The following SNX29 variants were observed in gnomAD, a reference collection of about 807,000 sequenced individuals.
The protein encoded by SNX29 is sorting nexin 29.
SNX29 carries 78 observed loss-of-function variants against 102.1 expected under a neutral mutation model. The ratio of observed to expected loss-of-function variants is 0.76; its 90% CI spans 0.64 to 0.92. The LOEUF (loss-of-function observed/expected upper bound fraction) is 0.92. Among genes scored for constraint, SNX29 ranks in the 40% least tolerant of loss-of-function variants. SNX29 has a pLI of 0.00. For synonymous variants in SNX29, 580 were observed against 414.5 expected (o/e 1.40, Z -4.85); for missense variants, 1,280 against 1,061.7 (o/e 1.21, Z -2.86).
chr16:12,550,566 G>T (rs990733289), intron 20 of SNX29, among the ~76,000 whole-genome samples: 1 of 151,058 alleles, frequency 6.6e-6, no homozygotes, highest in East Asian at 1.9e-4. Flanking sequence ...CAAATATGAG[G>T]ATATATACTT....
chr16:12,427,345 T>A (rs1310544738), intron 18 of SNX29, among the ~76,000 whole-genome samples: 10 of 152,130 alleles, frequency 6.6e-5, no homozygotes, highest in African/African-American at 2.2e-4. Flanking sequence ...TGGCAACCAA[T>A]TAGATGTTTT....
At chr16:12,297,787 G>A (rs1369668699) in intron 15 of SNX29, among the ~76,000 whole-genome samples, 1 of 152,136 alleles carries the variant, frequency 6.6e-6, no homozygotes, top group Admixed American at 6.5e-5. Flanking sequence ...TGGCTTCCAC[G>A]TCTGGCTCCA....
rs1336369790 is a variant in SNX29 at position 12,371,501 on chromosome 16, T to C, written c.1899+15222T>C. Among the ~76,000 whole-genome samples the C allele has an allele frequency of 1.3e-5, 2 of 152,138 alleles. 1 individual carries two copies. The highest frequency in any genetic ancestry group is 4.8e-5 in the African/African-American group (2 of 41,438). ...TTAAAATTTTTTTGTAGAGACAGGG[T>C]CTTTCTATGTTGCCCATACTGGTCT... On this transcript the variant is annotated intron_variant, in intron 16 of 20. Coordinates refer to ENST00000566228, the MANE Select transcript of SNX29 (RefSeq NM_032167.5).
intron 13 of SNX29, among the ~76,000 whole-genome samples, chr16:12,147,694 C>T (rs1210759648): frequency 6.6e-6 from 1 of 152,192 alleles, no homozygotes; most frequent in African/African-American, 2.4e-5. Flanking sequence ...CCCTCTTTGC[C>T]TCCGGAGAGG....
intron 20 of SNX29, among the ~76,000 whole-genome samples, chr16:12,538,146 C>G (rs989750120): frequency 6.6e-6 from 1 of 151,966 alleles, no homozygotes; most frequent in Non-Finnish European, 1.5e-5. Flanking sequence ...GACGGAGTCT[C>G]ACTCTGTCAC....
At chr16:12,171,491 G>T (rs185297780) in intron 13 of SNX29, among the ~76,000 whole-genome samples, 66 of 152,340 alleles carry the variant, frequency 4.3e-4, no homozygotes, top group Admixed American at 3.3e-4. Flanking sequence ...GAGGGCTCTA[G>T]GGAGGGCAGG....
At chr16:12,039,065 G>C (rs2057557298) in intron 4 of SNX29, among the ~76,000 whole-genome samples, 1 of 152,168 alleles carries the variant, frequency 6.6e-6, no homozygotes. Flanking sequence ...TGTTATTCCT[G>C]GGAAGTTTAT....
At chr16:12,165,241 T>G (rs1472622453) in intron 13 of SNX29, among the ~76,000 whole-genome samples, 1 of 152,264 alleles carries the variant, frequency 6.6e-6, no homozygotes, top group Non-Finnish European at 1.5e-5. Context: ...TCCTGCGTAA[T>G]TGTCCTGAAG....
At chr16:12,512,420 T>TATATATATATATA (rs2089672772) in intron 19 of SNX29, among the ~76,000 whole-genome samples, 1 of 80,362 alleles carries the variant, frequency 1.2e-5, no homozygotes, top group South Asian at 4.3e-4. Flanking sequence ...ATATATATAG[T>TATATATATATATA]TTTCGGTTTT....
At chr16:12,177,422 AT>A (rs1259105859) in intron 13 of SNX29, among the ~76,000 whole-genome samples, 1 of 152,124 alleles carries the variant, frequency 6.6e-6, no homozygotes, top group Admixed American at 6.5e-5. Context: ...CTCCATTTTA[AT>A]TATCGAGATG....
chr16:12,289,628 C>A (rs556412866), intron 15 of SNX29, among the ~76,000 whole-genome samples: 3 of 152,122 alleles, frequency 2.0e-5, no homozygotes, highest in Admixed American at 2.0e-4. Flanking sequence ...GGAGTACTTG[C>A]GAACGAACAG....
chr16:12,561,905 C>G (rs774250980), intron 20 of SNX29, among the ~76,000 whole-genome samples: 1 of 152,152 alleles, frequency 6.6e-6, no homozygotes, highest in Non-Finnish European at 1.5e-5. Context: ...CCCAGGAGTT[C>G]CTTCTCCAGT....
In SNX29 at chr16:12,245,734, G is replaced by C. The variant is rs181536450; in HGVS notation, c.1679-32199G>C. ...GATTTTTCCTGCAGGAGTGGCATCT[G>C]TTTCCTTGGCTGGAAACACACTTGT... is the stretch of plus-strand genomic sequence containing the variant. On this transcript the variant is annotated intron_variant, in intron 14 of 20. Transcript: ENST00000566228. Among the ~76,000 whole-genome samples the C allele has an allele frequency of 4.2e-4, 64 of 152,188 alleles. 1 individual carries two copies. The highest frequency in any genetic ancestry group is 3.6e-3 in the Admixed American group (55 of 15,270).
intron 6 of SNX29, among the ~76,000 whole-genome samples, chr16:12,046,733 T>C (rs1367933524): frequency 1.3e-5 from 2 of 152,186 alleles, no homozygotes; most frequent in Non-Finnish European, 2.9e-5. Flanking sequence ...CATTTTCCTG[T>C]CTCAACCTTC....
intron 20 of SNX29, among the ~76,000 whole-genome samples, chr16:12,535,517 T>TGAA (rs2077050754): frequency 6.6e-6 from 1 of 152,080 alleles, no homozygotes; most frequent in East Asian, 1.9e-4. Flanking sequence ...TCTCACAGAG[T>TGAA]GAAGTGGCCA....
chr16:12,199,572 A>G, intron 13 of SNX29, 29 bp from the exon 14 acceptor site: 1 of 1,578,250 alleles, frequency 6.3e-7, no homozygotes, highest in Non-Finnish European at 8.6e-7. Flanking sequence ...TTTTAAATAT[A>G]TATTTTTTTA....
chr16:12,469,313 T>C (rs141901837), intron 18 of SNX29, among the ~76,000 whole-genome samples: 1 of 152,378 alleles, frequency 6.6e-6, no homozygotes, highest in African/African-American at 2.4e-5. Flanking sequence ...TTCAGGCATT[T>C]TGTTCTAGCA....
At chr16:12,343,561 C>T (rs190762007) in intron 15 of SNX29, among the ~76,000 whole-genome samples, 1 of 152,276 alleles carries the variant, frequency 6.6e-6, no homozygotes, top group East Asian at 1.9e-4. Flanking sequence ...CTCTTCCTGC[C>T]TTTGGCCTCA....
chr16:12,147,134 C>CGGCCCCTGGGACTG, intron 13 of SNX29, among the ~76,000 whole-genome samples: 1 of 152,320 alleles, frequency 6.6e-6, no homozygotes, highest in East Asian at 1.9e-4. Flanking sequence ...TGTTTTGAAG[C>CGGCCCCTGGGACTG]GCGTGCCCGC....
Sources: allele counts gnomAD v4.1 joint callset (sites outside exome capture counted in the v4.1 genomes callset), GRCh38; gene constraint gnomAD v4.1.1; transcripts MANE v1.5; gene names NCBI Gene and HGNC (gene_info 2026-07-23, HGNC 2026-07-21).